Variants in FTO observed in about 807,000 individuals in gnomAD.
FTO encodes the protein FTO alpha-ketoglutarate dependent dioxygenase, also known as alpha-ketoglutarate-dependent dioxygenase FTO.
FTO carries 47 observed loss-of-function variants against 63.9 expected under a neutral mutation model. The ratio of observed to expected loss-of-function variants is 0.74; its 90% CI spans 0.58 to 0.94. The LOEUF (loss-of-function observed/expected upper bound fraction) is 0.94. Ranked by LOEUF, FTO falls within the 40% of genes least tolerant of loss-of-function variation. The pLI is 0.00. For missense variants in FTO, 562 were observed against 618.1 expected (o/e 0.91, Z 0.96); for synonymous variants, 207 against 224.4 (o/e 0.92, Z 0.69).
At chr16:53,916,987 A>G (rs1189766325) in intron 7 of FTO, among the ~76,000 whole-genome samples, 1 of 152,154 alleles carries the variant, frequency 6.6e-6, no homozygotes, top group Admixed American at 6.5e-5. Flanking sequence ...AGAGTCCCTG[A>G]TTGGAGTCTC....
intron 8 of FTO, among the ~76,000 whole-genome samples, chr16:53,966,105 T>G (rs2083191919): frequency 1.3e-5 from 2 of 152,194 alleles, no homozygotes; most frequent in Non-Finnish European, 2.9e-5. Flanking sequence ...TGGCCTCAAG[T>G]GATCCGCCCA....
chr16:53,704,111 C>T, upstream of FTO: 2 of 1,406,120 alleles, frequency 1.4e-6, no homozygotes, highest in South Asian at 2.5e-5. Flanking sequence ...GCTGAGAGAA[C>T]TACATGCAGG....
At chr16:53,860,719 T>G (rs1248973489) in intron 4 of FTO, among the ~76,000 whole-genome samples, 1 of 152,122 alleles carries the variant, frequency 6.6e-6, no homozygotes, top group South Asian at 2.1e-4. Flanking sequence ...GAAACCGCCA[T>G]GATCCAATCA....
At chr16:53,899,970 G>C (rs1345978491) in intron 7 of FTO, among the ~76,000 whole-genome samples, 2 of 152,204 alleles carry the variant, frequency 1.3e-5, no homozygotes, top group African/African-American at 4.8e-5. Context: ...ATTTTGATGT[G>C]AATGCCACTG....
intron 8 of FTO, among the ~76,000 whole-genome samples, chr16:53,939,528 G>A (rs2082474791): frequency 6.6e-6 from 1 of 152,084 alleles, no homozygotes; most frequent in Non-Finnish European, 1.5e-5. Flanking sequence ...GTATATGCAC[G>A]AGATTGTGCA....
At position 53,853,445 on chromosome 16, in the gene FTO, G is replaced by GT. The variant is rs58676120; in HGVS notation, c.895+9157dup. On this transcript the variant is annotated intron_variant, in intron 4 of 8. Transcript: ENST00000471389. ...GTAGTATACATCTGATAAGTGTTTT[G>GT]TTTTTTTTTTCATCCATCACCCCCC... Among the ~76,000 whole-genome samples the GT allele has an allele frequency of 1.3e-4, 20 of 149,360 alleles. No individual in the cohort carries two copies. The South Asian group carries it at 2.1e-3, about 16-fold the overall frequency.
intron 7 of FTO, among the ~76,000 whole-genome samples, chr16:53,894,591 T>C (rs1020623431): frequency 6.6e-6 from 1 of 151,804 alleles, no homozygotes; most frequent in Non-Finnish European, 1.5e-5. Context: ...AATATAAATA[T>C]CGAATTTTTT....
chr16:53,728,046 C>T (rs900638929), intron 1 of FTO, among the ~76,000 whole-genome samples: 7 of 151,994 alleles, frequency 4.6e-5, no homozygotes, highest in Non-Finnish European at 1.0e-4. Context: ...CTACACCAGC[C>T]TGGGTAACAT....
intron 8 of FTO, among the ~76,000 whole-genome samples, chr16:54,079,901 C>T (rs1441202025): frequency 6.6e-6 from 1 of 152,096 alleles, no homozygotes; most frequent in African/African-American, 2.4e-5. Flanking sequence ...AACTAATTCA[C>T]ATTTTTTAAA....
chr16:53,883,646 A>AAAC (rs1555489014), intron 6 of FTO, among the ~76,000 whole-genome samples: 4,722 of 134,766 alleles, frequency 0.035, 301 homozygotes, highest in African/African-American at 0.083. Context: ...CAAAAAAAAA[A>AAAC]AAACAAATTT....
chr16:53,875,726 A>T (rs2080629435), intron 5 of FTO, among the ~76,000 whole-genome samples: 2 of 152,236 alleles, frequency 1.3e-5, no homozygotes, highest in Admixed American at 1.3e-4. Context: ...CTTTTATTGA[A>T]CTTTATAGTG....
intron 1 of FTO, among the ~76,000 whole-genome samples, chr16:53,749,431 TTC>T (rs1430315994): frequency 1.3e-5 from 2 of 150,820 alleles, no homozygotes; most frequent in Non-Finnish European, 2.9e-5. Context: ...AAGATTTTAA[TTC>T]TTTTTTTCTT....
intron 8 of FTO, chr16:54,071,467 G>C (rs1460402150): frequency 6.6e-6 from 1 of 152,284 alleles, no homozygotes; most frequent in Non-Finnish European, 1.5e-5. Context: ...GGAGGCCCTT[G>C]GACTGTTTAG....
intron 1 of FTO, among the ~76,000 whole-genome samples, chr16:53,748,220 A>G (rs547560288): frequency 6.6e-6 from 1 of 152,284 alleles, no homozygotes; most frequent in East Asian, 1.9e-4. Context: ...GAATGTTGAT[A>G]GGGATTGAAT....
At chr16:53,990,774 TCTC>T (rs569370286) in intron 8 of FTO, among the ~76,000 whole-genome samples, 2 of 152,076 alleles carry the variant, frequency 1.3e-5, no homozygotes, top group South Asian at 2.1e-4. Flanking sequence ...TTCAAGCAAT[TCTC>T]CTGCCTCCGC....
chr16:53,756,772 A>G (rs1377933500), intron 1 of FTO, among the ~76,000 whole-genome samples: 1 of 152,194 alleles, frequency 6.6e-6, no homozygotes, highest in Non-Finnish European at 1.5e-5. Flanking sequence ...GAAGAATAGC[A>G]GGATCTTGTC....
At chr16:53,709,748 GCT>G in intron 1 of FTO, among the ~76,000 whole-genome samples, 1 of 152,152 alleles carries the variant, frequency 6.6e-6, no homozygotes, top group East Asian at 1.9e-4. Context: ...TCACTTTATT[GCT>G]CTCTTTCTCG....
At chr16:53,946,591 T>G (rs1567462673) in intron 8 of FTO, among the ~76,000 whole-genome samples, 1 of 152,218 alleles carries the variant, frequency 6.6e-6, no homozygotes, top group Non-Finnish European at 1.5e-5. Context: ...ATATTTTTTT[T>G]CACTGAAAAA....
chr16:53,751,073 C>T (rs144246744), intron 1 of FTO, among the ~76,000 whole-genome samples: 197 of 152,118 alleles, frequency 1.3e-3, no homozygotes, highest in African/African-American at 4.6e-3. Flanking sequence ...TTTTGGCTTC[C>T]CTGGGCCACA....
Sources: allele counts gnomAD v4.1 joint callset (sites outside exome capture counted in the v4.1 genomes callset), GRCh38; gene constraint gnomAD v4.1.1; transcripts MANE v1.5; gene names NCBI Gene and HGNC (gene_info 2026-07-23, HGNC 2026-07-21).